CCDC66: variants seen among roughly 807,000 people sequenced by gnomAD.
CCDC66 encodes the protein coiled-coil domain containing 66, also known as coiled-coil domain-containing protein 66.
CCDC66 carries 133 observed loss-of-function variants against 128.3 expected under a neutral mutation model. The ratio of observed to expected loss-of-function variants is 1.04; its 90% CI spans 0.90 to 1.20. The LOEUF (loss-of-function observed/expected upper bound fraction) is 1.20, where lower values mean the gene tolerates loss of function less well. CCDC66 is among the 50% of genes most tolerant of loss of function. The pLI is 0.00. For missense variants in CCDC66, 1,126 were observed against 1,075.5 expected, an observed-to-expected ratio of 1.05 and a Z score of -0.66; for synonymous variants, 387 against 357.0, an observed-to-expected ratio of 1.08 and a Z score of -0.95.
Position 56,613,543 on chromosome 3 carries a change from T to G in CCDC66, c.1405-46T>G. ...CAGCCATCTTGAATTCCCTCCTGCTTAGATTTTTATTTTTGACAATGATTT... is the reference window on the plus strand; with the variant it reads ...CAGCCATCTTGAATTCCCTCCTGCTGAGATTTTTATTTTTGACAATGATTT... On this transcript the variant is annotated intron_variant, in intron 10 of 17. Coordinates refer to ENST00000394672, the MANE Select transcript of CCDC66 (RefSeq NM_001141947.3). 1.9e-6 allele frequency: 3 copies of G among 1,589,964 alleles called. No homozygotes were observed. In the South Asian group the frequency reaches 3.5e-5, roughly 18 times the overall value.
chr3:56,567,810 C>T (rs962261020), intron 6 of CCDC66, among the ~76,000 whole-genome samples: 1 of 152,042 alleles, frequency 6.6e-6, no homozygotes, highest in African/African-American at 2.4e-5. Context: ...CTGCCTCAGC[C>T]TCCCCAGTAG....
At position 56,560,675 on chromosome 3, in the gene CCDC66, G is replaced by A. The variant is rs943211358; in HGVS notation, c.102+1081G>A. Reference sequence around the variant, plus strand: ...ATGGAGGTTGTAGTGAGCCGAGATCGCACCACTGCACTCCAGCCTGGGGGA... The same window carrying A: ...ATGGAGGTTGTAGTGAGCCGAGATCACACCACTGCACTCCAGCCTGGGGGA... On this transcript the variant is annotated intron_variant, in intron 3 of 17. Transcript: ENST00000394672. Among the ~76,000 whole-genome samples the A allele has an allele frequency of 2.0e-5, 3 of 152,106 alleles. No homozygotes were observed. In the East Asian group the frequency reaches 5.8e-4, roughly 29 times the overall value.
chr3:56,615,956 C>T lies in CCDC66; in HGVS notation c.1746C>T (p.Asn582=). The change falls in exon 13 of 18, where the codon AAC becomes AAT. Residue 582 remains asparagine, a synonymous_variant. Transcript: ENST00000394672. ...DTIQMEYNAS[N]ISNSRHDSDE... is the part of the protein sequence containing the mutation. ...TACAAATGGAATATAATGCATCTAA[C>T]ATTTCAAATTCAAGACATGATTCTG... 6.3e-7 allele frequency: 1 copy of T among 1,598,732 alleles called. No homozygotes were observed. The highest frequency in any genetic ancestry group is 1.3e-5 in the African/African-American group (1 of 74,408).
At chr3:56,566,500 C>T (rs1182068562) in intron 4 of CCDC66, 94 bp from the exon 5 acceptor site, 14 of 713,136 alleles carry the variant, frequency 2.0e-5, no homozygotes, top group African/African-American at 9.1e-5. Context: ...ATTTAAGTAA[C>T]GTGTAAGACA....
intron 10 of CCDC66, among the ~76,000 whole-genome samples, chr3:56,605,498 T>G (rs1260461531): frequency 6.6e-6 from 1 of 152,074 alleles, no homozygotes. Context: ...CCTTTCTGTT[T>G]GTTAGTTTTC....
intron 10 of CCDC66, among the ~76,000 whole-genome samples, chr3:56,610,321 T>C (rs2074618484): frequency 6.6e-6 from 1 of 152,136 alleles, no homozygotes; most frequent in Admixed American, 6.5e-5. Flanking sequence ...TCCACTTTCT[T>C]TGAGCTCTAA....
At chr3:56,580,371 A>G (rs1221119233) in intron 7 of CCDC66, among the ~76,000 whole-genome samples, 1 of 151,772 alleles carries the variant, frequency 6.6e-6, no homozygotes, top group Non-Finnish European at 1.5e-5. Flanking sequence ...CCATTTTGCC[A>G]GTCTGTGTCT....
intron 10 of CCDC66, among the ~76,000 whole-genome samples, chr3:56,600,172 CAG>C (rs2072905743): frequency 7.6e-6 from 1 of 131,202 alleles, no homozygotes; most frequent in South Asian, 2.3e-4. Context: ...TTTTTTGAGA[CAG>C]AGTCTTGCTC....
At chr3:56,604,686 C>T (rs1010218811) in intron 10 of CCDC66, among the ~76,000 whole-genome samples, 6 of 151,790 alleles carry the variant, frequency 4.0e-5, no homozygotes, top group Admixed American at 6.6e-5. Flanking sequence ...GTGGGTAACC[C>T]GACCTTTCTC....
intron 7 of CCDC66, among the ~76,000 whole-genome samples, chr3:56,585,454 A>G (rs569022748): frequency 1.3e-5 from 2 of 151,826 alleles, no homozygotes; most frequent in Admixed American, 6.6e-5. Flanking sequence ...TAAAAATACA[A>G]TCTTGAATCA....
chr3:56,615,794 T>C (rs1464428562), intron 12 of CCDC66, 128 bp from the exon 13 acceptor site: 3 of 701,636 alleles, frequency 4.3e-6, no homozygotes, highest in Non-Finnish European at 6.4e-6. Flanking sequence ...TGGGTACTTT[T>C]TGTAAGAAAA....
At chr3:56,614,120 ATTTC>A (rs1205967068) in intron 11 of CCDC66, among the ~76,000 whole-genome samples, 4 of 152,180 alleles carry the variant, frequency 2.6e-5, no homozygotes, top group Non-Finnish European at 5.9e-5. Context: ...GAAGTTGAAC[ATTTC>A]TATTATTTTG....
At chr3:56,589,326 G>A (rs1262906088) in intron 7 of CCDC66, among the ~76,000 whole-genome samples, 1 of 152,100 alleles carries the variant, frequency 6.6e-6, no homozygotes, top group African/African-American at 2.4e-5. Flanking sequence ...ATAAACTCCA[G>A]AACCAAATGT....
chr3:56,595,125 T>C (rs2071639635), intron 10 of CCDC66, among the ~76,000 whole-genome samples: 1 of 152,218 alleles, frequency 6.6e-6, no homozygotes, highest in African/African-American at 2.4e-5. Flanking sequence ...AAAATTGATA[T>C]ATAATGTTTT....
chr3:56,595,513 C>A (rs2071717271), intron 10 of CCDC66, among the ~76,000 whole-genome samples: 1 of 152,116 alleles, frequency 6.6e-6, no homozygotes, highest in African/African-American at 2.4e-5. Context: ...TCTTTATATA[C>A]CTGGCTTATT....
chr3:56,610,088 T>C (rs1412810608), intron 10 of CCDC66, among the ~76,000 whole-genome samples: 2 of 152,208 alleles, frequency 1.3e-5, no homozygotes, highest in Non-Finnish European at 2.9e-5. Flanking sequence ...TCCCAGGTGT[T>C]CTTTGTGCTT....
At position 56,617,360 on chromosome 3, in the gene CCDC66, C is replaced by G; in HGVS notation, c.2092C>G (p.Pro698Ala). ...EKQTKHMKKY[P>A]KRPDWNINKP... ...ACAAACAAAACACATGAAGAAATAT[C>G]CTAAAAGGCCTGATTGGAATATAAA... Residue 698 changes from proline (P) to alanine (A), a missense_variant, in exon 14 of 18, where the codon CCT (proline) becomes GCT (alanine). Physicochemically the swap from Pro to Ala is conservative, Grantham distance 27. Coordinates refer to ENST00000394672, the MANE Select transcript of CCDC66 (RefSeq NM_001141947.3). The G allele has an allele frequency of 2.5e-6, 4 of 1,613,534 alleles. No individual in the cohort carries two copies. Among genetic ancestry groups the G allele is most frequent in the Non-Finnish European group, 3.4e-6 (4 of 1,179,906 alleles).
chr3:56,577,741 T>G (rs1577410490), intron 7 of CCDC66, among the ~76,000 whole-genome samples: 1 of 151,946 alleles, frequency 6.6e-6, no homozygotes, highest in African/African-American at 2.4e-5. Context: ...ATGTGTGGTG[T>G]TATTTCTGAG....
In CCDC66 at chr3:56,616,969, G is replaced by A. The variant is rs548340132; in HGVS notation, c.1844-143G>A. The A allele has an allele frequency of 7.1e-6, 4 of 563,010 alleles. No individual in the cohort carries two copies. The East Asian group carries it at 1.3e-4, about 18-fold the overall frequency. 34.9% of individuals were successfully genotyped at this position (563,010 alleles called of 1,614,324 possible). A position where few individuals can be genotyped will look rare whatever the true frequency, so the allele number is the denominator to read the frequency against. ...TGGGAGTATGTGGTTGTTCTTTAAT[G>A]AGTATAGAGGTTCGGTTTTGTTGAA... is the stretch of plus-strand genomic sequence containing the variant. On this transcript the variant is annotated intron_variant, in intron 13 of 17. Coordinates refer to ENST00000394672, the MANE Select transcript of CCDC66 (RefSeq NM_001141947.3).
Sources: allele counts gnomAD v4.1 joint callset (sites outside exome capture counted in the v4.1 genomes callset), GRCh38; gene constraint gnomAD v4.1.1; transcripts MANE v1.5; gene names NCBI Gene and HGNC (gene_info 2026-07-23, HGNC 2026-07-21).